The following POTEJ variants were observed in gnomAD, a reference collection of about 807,000 sequenced individuals.
POTEJ encodes the protein POTE ankyrin domain family, member J.
POTEJ carries 11 observed loss-of-function variants against 69.0 expected under a neutral mutation model. The observed-to-expected ratio is 0.16, with a 90% CI of 0.10 to 0.26. The LOEUF (loss-of-function observed/expected upper bound fraction) is 0.26. Among genes scored for constraint, POTEJ ranks in the 10% least tolerant of loss-of-function variants. POTEJ has a pLI of 1.00. For missense variants in POTEJ, 327 were observed against 1,045.5 expected, an observed-to-expected ratio of 0.31 and a Z score of 9.48; for synonymous variants, 117 against 381.1, an observed-to-expected ratio of 0.31 and a Z score of 8.07.
chr2:130,657,508 G>T lies in POTEJ; in HGVS notation c.2748G>T (p.Glu916Asp), dbSNP rs768392864. The change falls in exon 15 of 15, where the codon GAG (glutamate) becomes GAT (aspartate). Residue 916 changes from glutamate to aspartate, a missense_variant. By Grantham distance (45) the Glu-to-Asp change is conservative. Coordinates refer to ENST00000409602, the MANE Select transcript of POTEJ (RefSeq NM_001277083.2). ...GCCAGGTCATCACCATCAGCAACGA[G>T]TGGTTCCGCTGCCCCGAGGCGCTCT... ...PDGQVITISN[E>D]WFRCPEALFQ... 4 of 1,570,078 alleles carry T rather than the reference G, an allele frequency of 2.5e-6. 1 individual carries two copies. The South Asian group carries it at 4.4e-5, about 17-fold the overall frequency.
chr2:130,626,861 T>C (rs1403779806), intron 6 of POTEJ, among the ~76,000 whole-genome samples: 1 of 152,190 alleles, frequency 6.6e-6, no homozygotes, highest in African/African-American at 2.4e-5. Flanking sequence ...TTTCATTTGT[T>C]TTGCTTAATT....
intron 1 of POTEJ, among the ~76,000 whole-genome samples, chr2:130,613,492 C>T (rs1263055842): frequency 2.2e-5 from 3 of 138,338 alleles, no homozygotes; most frequent in Non-Finnish European, 3.1e-5. Context: ...ACCTCTGCCT[C>T]CTAGGTTCAA....
intron 13 of POTEJ, among the ~76,000 whole-genome samples, chr2:130,649,749 CTTG>C (rs1021287326): frequency 4.3e-5 from 6 of 139,282 alleles, no homozygotes; most frequent in Admixed American, 1.4e-4. Context: ...CCACACTGAA[CTTG>C]TTGTTATTCC....
chr2:130,644,428 C>T (rs1484858078), intron 11 of POTEJ, among the ~76,000 whole-genome samples: 4 of 151,944 alleles, frequency 2.6e-5, no homozygotes, highest in African/African-American at 9.7e-5. Context: ...CGACATCCAC[C>T]ACTACACTCC....
intron 13 of POTEJ, among the ~76,000 whole-genome samples, chr2:130,653,057 AGT>A (rs1290322732): frequency 2.1e-4 from 30 of 141,906 alleles, no homozygotes; most frequent in African/African-American, 6.4e-4. Flanking sequence ...GAAGCTTTTT[AGT>A]TTAATTAGGT....
chr2:130,655,371 T>A (rs1686947876), intron 14 of POTEJ, among the ~76,000 whole-genome samples: 2 of 152,204 alleles, frequency 1.3e-5, no homozygotes, highest in South Asian at 2.1e-4. Context: ...ATTAGTTTTT[T>A]AAAAAATGTT....
chr2:130,612,472 A>C (rs1439147506), intron 1 of POTEJ, among the ~76,000 whole-genome samples: 7 of 152,246 alleles, frequency 4.6e-5, no homozygotes, highest in Non-Finnish European at 2.9e-5. Flanking sequence ...TTTTCTTAAG[A>C]TGTGAGCTTT....
In POTEJ at chr2:130,620,118, A is replaced by C. The variant is rs1312188481; in HGVS notation, c.773A>C (p.Lys258Thr). 7.8e-7 allele frequency: 1 copy of C among 1,278,182 alleles called. No individual in the cohort carries two copies. Among genetic ancestry groups the C allele is most frequent in the Non-Finnish European group, 1.1e-6 (1 of 929,354 alleles). 79.2% of individuals were successfully genotyped at this position (1,278,182 alleles called of 1,614,324 possible). A position where few individuals can be genotyped will look rare whatever the true frequency, so the allele number is the denominator to read the frequency against. Residue 258 changes from lysine to threonine, a missense_variant, in exon 4 of 15, where the codon AAA becomes ACA. Physicochemically the swap from Lys to Thr is moderately conservative, Grantham distance 78. Coordinates refer to ENST00000409602, the MANE Select transcript of POTEJ (RefSeq NM_001277083.2). ...QQVVKFLIKK[K>T]ANLNALDRYG... The stretch of plus-strand genomic sequence containing the variant: ...GTGGTGAAATTTTTAATCAAGAAAA[A>C]AGCGAATTTAAATGCACTGGATAGA...
At chr2:130,656,102 T>G (rs1311137470) in intron 14 of POTEJ, among the ~76,000 whole-genome samples, 1 of 145,832 alleles carries the variant, frequency 6.9e-6, no homozygotes, top group Non-Finnish European at 1.5e-5. Context: ...TCCAAATATA[T>G]GCATAGCTAA....
intron 9 of POTEJ, among the ~76,000 whole-genome samples, chr2:130,637,092 A>AAAC (rs1381763538): frequency 2.6e-5 from 4 of 150,980 alleles, no homozygotes; most frequent in Non-Finnish European, 5.9e-5. Context: ...AAAAAAAAAA[A>AAAC]AACAAGTTTG....
intron 14 of POTEJ, among the ~76,000 whole-genome samples, chr2:130,655,820 T>C (rs1686965923): frequency 8.8e-6 from 1 of 113,776 alleles, no homozygotes; most frequent in Admixed American, 9.2e-5. Context: ...TCACTAGAAG[T>C]AGCATCAGCA....
At chr2:130,611,139 G>A (rs1163885544), upstream of POTEJ, among the ~76,000 whole-genome samples, 3 of 149,108 alleles carry the variant, frequency 2.0e-5, no homozygotes, top group Non-Finnish European at 4.5e-5. Context: ...GCTTGGCTTT[G>A]CGTTCTTTGC....
Position 130,636,889 on chromosome 2 carries a change from G to A in POTEJ, c.1299-1730G>A, listed in dbSNP as rs1160864949. 1.4e-4 allele frequency among the ~76,000 whole-genome samples: 20 copies of A among 146,982 alleles called. 3 individuals are homozygous for A. The highest frequency in any genetic ancestry group is 4.1e-4 in the Admixed American group (6 of 14,574). The stretch of plus-strand genomic sequence containing the variant: ...AGGCGGATCACGAGGTCAGGAGATC[G>A]AGACCAGTGAAACCCCATCTCTACT... On this transcript the variant is annotated intron_variant, in intron 9 of 14. Coordinates refer to ENST00000409602, the MANE Select transcript of POTEJ (RefSeq NM_001277083.2).
chr2:130,652,322 A>T (rs1175347443), intron 13 of POTEJ, among the ~76,000 whole-genome samples: 1 of 132,374 alleles, frequency 7.6e-6, no homozygotes, highest in Non-Finnish European at 1.7e-5. Context: ...TCAGGTATGT[A>T]TGTGTGTGAA....
chr2:130,656,530 G>C lies in POTEJ; in HGVS notation c.1789-19G>C. 3 of 1,606,278 alleles carry C rather than the reference G, an allele frequency of 1.9e-6. No individual in the cohort carries two copies. Among genetic ancestry groups the C allele is most frequent in the Non-Finnish European group, 1.7e-6 (2 of 1,178,680 alleles). ...TCAATCTATTGAGTGCTAACTAAAA[G>C]TTCTCTTTGTTTACTTAGCTTTCTC... On this transcript the variant is annotated intron_variant, in intron 14 of 14. Transcript: ENST00000409602.
At chr2:130,638,219 A>T (rs1344985597) in intron 9 of POTEJ, among the ~76,000 whole-genome samples, 3 of 151,344 alleles carry the variant, frequency 2.0e-5, no homozygotes, top group Admixed American at 6.6e-5. Context: ...ATCTTGTTAA[A>T]TCATTATAAC....
chr2:130,644,206 C>T (rs1401527851), intron 11 of POTEJ, among the ~76,000 whole-genome samples, 153 bp downstream of exon 11: 2 of 138,478 alleles, frequency 1.4e-5, no homozygotes, highest in East Asian at 4.0e-4. Context: ...CAAGGTGGCT[C>T]ACGCCTGTAA....
At chr2:130,634,062 A>G (rs1326323339) in intron 9 of POTEJ, among the ~76,000 whole-genome samples, 3 of 151,916 alleles carry the variant, frequency 2.0e-5, no homozygotes, top group Admixed American at 6.6e-5. Context: ...CAGGTGTGCA[A>G]CATCACACCC....
intron 11 of POTEJ, among the ~76,000 whole-genome samples, chr2:130,644,271 C>A (rs1686501998): frequency 7.0e-6 from 1 of 143,628 alleles, no homozygotes; most frequent in African/African-American, 2.6e-5. Context: ...GAGATCGAGA[C>A]CATCCTGGCT....
Sources: allele counts gnomAD v4.1 joint callset (sites outside exome capture counted in the v4.1 genomes callset), GRCh38; gene constraint gnomAD v4.1.1; transcripts MANE v1.5; gene names NCBI Gene and HGNC (gene_info 2026-07-23, HGNC 2026-07-21).